The following LPP variants were observed in gnomAD, a reference collection of about 807,000 sequenced individuals.
LPP encodes LIM domain containing preferred translocation partner in lipoma, also known as lipoma-preferred partner.
LPP carries 38 observed loss-of-function variants against 60.4 expected under a neutral mutation model. That is an observed-to-expected ratio of 0.63 (90% CI 0.49 to 0.83). LPP has a LOEUF of 0.83. Among genes scored for constraint, LPP ranks in the 40% least tolerant of loss-of-function variants. The pLI is 0.00. For synonymous variants in LPP, 328 were observed against 290.8 expected, an observed-to-expected ratio of 1.13 and a Z score of -1.30; for missense variants, 902 against 783.6, an observed-to-expected ratio of 1.15 and a Z score of -1.80.
intron 7 of LPP, among the ~76,000 whole-genome samples, chr3:188,639,778 T>C (rs1246625221): frequency 3.9e-5 from 6 of 151,920 alleles, no homozygotes; most frequent in East Asian, 1.9e-4. Flanking sequence ...TGCTCATCAT[T>C]ACTGGCCATC....
intron 4 of LPP, among the ~76,000 whole-genome samples, chr3:188,446,139 T>A (rs1162321215): frequency 6.6e-6 from 1 of 152,216 alleles, no homozygotes; most frequent in Non-Finnish European, 1.5e-5. Flanking sequence ...AATGCTTGGT[T>A]GATTACGGCT....
At chr3:188,579,608 C>G (rs556181147) in intron 6 of LPP, among the ~76,000 whole-genome samples, 1 of 150,712 alleles carries the variant, frequency 6.6e-6, no homozygotes, top group East Asian at 1.9e-4. Flanking sequence ...TATAGTACTT[C>G]TAGTAACTGA....
At chr3:188,287,304 G>A (rs911528561) in intron 2 of LPP, among the ~76,000 whole-genome samples, 1 of 152,198 alleles carries the variant, frequency 6.6e-6, no homozygotes, top group African/African-American at 2.4e-5. Context: ...CCCCCGCCCC[G>A]TGTGTTAATG....
At chr3:188,578,074 C>T (rs1264374381) in intron 6 of LPP, among the ~76,000 whole-genome samples, 1 of 152,030 alleles carries the variant, frequency 6.6e-6, no homozygotes, top group Admixed American at 6.6e-5. Context: ...GAATCTATCT[C>T]AAAACAAAGA....
At chr3:188,273,472 T>C (rs1162479416) in intron 2 of LPP, among the ~76,000 whole-genome samples, 1 of 152,090 alleles carries the variant, frequency 6.6e-6, no homozygotes, top group East Asian at 1.9e-4. Context: ...TAAAATACTT[T>C]AAAATTCATG....
chr3:188,688,848 C>T lies in LPP; in HGVS notation c.1114-19419C>T, dbSNP rs78547906. ...TCTGACTTTCCCACTAGATTGTGAG[C>T]TCCTGGAGGGCAGGCACTTTCGTTC... On this transcript the variant is annotated intron_variant, in intron 7 of 11. Transcript: ENST00000617246. 1.1e-3 allele frequency: 577 copies of T among 523,814 alleles called. 6 individuals carry two copies. The highest frequency in any genetic ancestry group is 0.01 in the African/African-American group (534 of 51,104). The allele number at this position is 523,814 out of a possible 1,614,324, so 32.4% of individuals were successfully genotyped here.
chr3:188,852,129 A>C (rs1762810284), intron 9 of LPP, among the ~76,000 whole-genome samples: 1 of 152,140 alleles, frequency 6.6e-6, no homozygotes, highest in Non-Finnish European at 1.5e-5. Context: ...ATGCCACTGC[A>C]CTCCAGTCTG....
intron 9 of LPP, among the ~76,000 whole-genome samples, chr3:188,825,269 CTG>C (rs3057956): frequency 0.067 from 6,818 of 101,158 alleles, 189 homozygotes; most frequent in South Asian, 0.12. Flanking sequence ...CTCTCTCTCT[CTG>C]TGTGTGTGTG....
At chr3:188,788,845 A>AT (rs779285950) in intron 9 of LPP, among the ~76,000 whole-genome samples, 1 of 152,136 alleles carries the variant, frequency 6.6e-6, no homozygotes, top group Non-Finnish European at 1.5e-5. Context: ...CACTCATTTC[A>AT]TTTTTTGTTT....
At chr3:188,506,613 A>T (rs2149952966) in intron 5 of LPP, among the ~76,000 whole-genome samples, 1 of 152,200 alleles carries the variant, frequency 6.6e-6, no homozygotes, top group Non-Finnish European at 1.5e-5. Context: ...CTGGAGCCTA[A>T]ATTTCTTAAG....
Position 188,366,430 on chromosome 3 carries a change from C to G in LPP, c.-10+24711C>G, listed in dbSNP as rs541896874. Among the ~76,000 whole-genome samples the G allele has an allele frequency of 4.5e-4, 68 of 152,230 alleles. 1 individual carries two copies. Among genetic ancestry groups the G allele is most frequent in the Admixed American group, 1.2e-3 (19 of 15,286 alleles). The stretch of plus-strand genomic sequence containing the variant: ...CTCCGTGGTGAAGGGCACTCTCTTT[C>G]CCTCACCTGGAGGTTATGTCAGCGG... On this transcript the variant is annotated intron_variant, in intron 3 of 11. Transcript: ENST00000617246.
At chr3:188,456,153 G>A (rs559815055) in intron 4 of LPP, among the ~76,000 whole-genome samples, 1 of 152,258 alleles carries the variant, frequency 6.6e-6, no homozygotes, top group South Asian at 2.1e-4. Context: ...CAACCACTGC[G>A]ATTACAGGCG....
intron 2 of LPP, among the ~76,000 whole-genome samples, chr3:188,229,818 C>T (rs930591946): frequency 3.9e-4 from 60 of 152,130 alleles, no homozygotes; most frequent in African/African-American, 1.3e-3. Context: ...TTAGGGGATC[C>T]GAATTCTCAG....
At chr3:188,278,640 G>C (rs1740848528) in intron 2 of LPP, among the ~76,000 whole-genome samples, 1 of 152,102 alleles carries the variant, frequency 6.6e-6, no homozygotes, top group African/African-American at 2.4e-5. Context: ...GCTTGTTTCA[G>C]ATCTCCTCTC....
At chr3:188,185,399 A>T (rs767733012) in intron 1 of LPP, among the ~76,000 whole-genome samples, 11 of 152,036 alleles carry the variant, frequency 7.2e-5, no homozygotes, top group Non-Finnish European at 1.6e-4. Context: ...TCCAGAGTAG[A>T]TAACTCTGTT....
Position 188,572,869 on chromosome 3 carries a change from T to TTCCAAC in LPP, c.430-36292_430-36291insTCCAAC, listed in dbSNP as rs1833831220. 6.6e-6 allele frequency among the ~76,000 whole-genome samples: 1 copy of TTCCAAC among 152,134 alleles called. No homozygotes were observed. The highest frequency in any genetic ancestry group is 1.5e-5 in the Non-Finnish European group (1 of 68,012). On this transcript the variant is annotated intron_variant, in intron 6 of 11. Transcript: ENST00000617246. This position sits in a 1 kb window ranked among gnomAD's most constrained non-coding sequence, Gnocchi z 4.1. The stretch of plus-strand genomic sequence containing the variant: ...TAATAGTTGTCATTTCCAACACTTT[T>TTCCAAC]GACCTCCATGCCAGAGTAAAAGAGC...
At chr3:188,187,548 A>C (rs1426297558) in intron 1 of LPP, among the ~76,000 whole-genome samples, 1 of 151,996 alleles carries the variant, frequency 6.6e-6, no homozygotes. Context: ...ATTTTCTACC[A>C]TATCTCTTAT....
intron 5 of LPP, among the ~76,000 whole-genome samples, chr3:188,505,426 A>T (rs1378488961): frequency 1.3e-5 from 2 of 152,090 alleles, no homozygotes; most frequent in East Asian, 3.8e-4. Flanking sequence ...CTCTCAGTAG[A>T]TGTCACTACT....
Position 188,617,813 on chromosome 3 carries a change from A to G in LPP, c.1113+7969A>G, listed in dbSNP as rs141476457. ...TGTAATTCTTTGTGTTTACAGAGTG[A>G]GAGAAATTCTATTTATCAGTGTTTT... is the stretch of plus-strand genomic sequence containing the variant. On this transcript the variant is annotated intron_variant, in intron 7 of 11. Transcript: ENST00000617246. Among the ~76,000 whole-genome samples, 656 of 152,320 alleles carry G rather than the reference A, an allele frequency of 4.3e-3. 2 individuals carry two copies. The highest frequency in any genetic ancestry group is 0.015 in the African/African-American group (619 of 41,572).
Sources: allele counts gnomAD v4.1 joint callset (sites outside exome capture counted in the v4.1 genomes callset), GRCh38; gene constraint gnomAD v4.1.1; non-coding constraint Gnocchi (gnomAD v3.1); transcripts MANE v1.5; gene names NCBI Gene and HGNC (gene_info 2026-07-23, HGNC 2026-07-21).